FILIP1L: variants seen among roughly 807,000 people sequenced by gnomAD.
FILIP1L encodes filamin A interacting protein 1 like, also known as filamin A-interacting protein 1-like.
A neutral mutation model predicts 96.6 loss-of-function variants in FILIP1L; 55 were observed. The observed-to-expected ratio is 0.57, with a 90% CI of 0.46 to 0.71. The LOEUF (loss-of-function observed/expected upper bound fraction) is 0.71, where lower values mean the gene tolerates loss of function less well. Among genes scored for constraint, FILIP1L ranks in the 30% least tolerant of loss-of-function variants. FILIP1L has a pLI of 0.00. For missense variants in FILIP1L, 1,304 were observed against 1,321.2 expected (o/e 0.99, Z 0.20); for synonymous variants, 467 against 473.9 (o/e 0.99, Z 0.19).
chr3:99,957,693 C>CTTTTTTTTTTTTTTTTTTTT (rs779350496), intron 1 of FILIP1L, among the ~76,000 whole-genome samples: 348 of 19,886 alleles, frequency 0.017, 85 homozygotes, highest in Middle Eastern at 0.12. Flanking sequence ...TTCTTTCTTT[C>CTTTTTTTTTTTTTTTTTTTT]TTTTTTTTTT....
At chr3:99,941,204 C>T (rs1290232899) in intron 1 of FILIP1L, among the ~76,000 whole-genome samples, 4 of 151,684 alleles carry the variant, frequency 2.6e-5, no homozygotes, top group Non-Finnish European at 5.9e-5. Context: ...TTTTTTTAGA[C>T]ACACGGAGTT....
At chr3:99,933,724 C>T (rs1012942680) in intron 1 of FILIP1L, among the ~76,000 whole-genome samples, 1 of 152,006 alleles carries the variant, frequency 6.6e-6, no homozygotes, top group African/African-American at 2.4e-5. Flanking sequence ...ATTATAGGGC[C>T]ATCTATGTCC....
chr3:100,112,202 C>CT (rs1368008363), intron 1 of FILIP1L, among the ~76,000 whole-genome samples: 9 of 152,232 alleles, frequency 5.9e-5, no homozygotes, highest in Admixed American at 1.3e-4. Flanking sequence ...AGCACTTTTT[C>CT]TTTAAATGTT....
chr3:99,910,625 G>A lies in FILIP1L; in HGVS notation c.605+13605C>T, dbSNP rs532909683. 5.1e-5 allele frequency among the ~76,000 whole-genome samples: 7 copies of A among 136,484 alleles called. 1 individual carries two copies. In the South Asian group the frequency reaches 1.5e-3, roughly 29 times the overall value. 89.5% of individuals were successfully genotyped at this position (136,484 alleles called of 152,430 possible). On this transcript the variant is annotated intron_variant, in intron 4 of 5. Coordinates refer to ENST00000477258, the MANE Select transcript of FILIP1L (RefSeq NM_001387850.1). The stretch of plus-strand genomic sequence containing the variant: ...GTTTTAGCCCTTAGGCTGAAAAAAA[G>A]TAATACGCTATAATTCTAACTATTA...
At chr3:99,851,919 G>T (rs1408950232) in intron 4 of FILIP1L, among the ~76,000 whole-genome samples, 1 of 152,194 alleles carries the variant, frequency 6.6e-6, no homozygotes, top group Non-Finnish European at 1.5e-5. Flanking sequence ...TAACATTTGA[G>T]AAGAGCATGC....
intron 4 of FILIP1L, among the ~76,000 whole-genome samples, chr3:99,889,784 C>T (rs1342615792): frequency 1.3e-5 from 2 of 151,986 alleles, no homozygotes; most frequent in African/African-American, 4.8e-5. Context: ...TCTAAAGCTA[C>T]TCAGTATATT....
chr3:100,015,487 A>G (rs1395945868), intron 1 of FILIP1L, among the ~76,000 whole-genome samples: 1 of 152,204 alleles, frequency 6.6e-6, no homozygotes, highest in Non-Finnish European at 1.5e-5. Context: ...TGGAAATTTT[A>G]ACAGTATTCA....
intron 4 of FILIP1L, among the ~76,000 whole-genome samples, chr3:99,921,606 A>G (rs1212385997): frequency 1.3e-5 from 2 of 152,192 alleles, no homozygotes; most frequent in African/African-American, 2.4e-5. Flanking sequence ...GAATATTCTC[A>G]TATCTTCTGG....
intron 1 of FILIP1L, among the ~76,000 whole-genome samples, chr3:99,998,545 G>A (rs1709748006): frequency 1.3e-5 from 2 of 152,190 alleles, no homozygotes; most frequent in South Asian, 4.1e-4. Flanking sequence ...GGAGAAAAAT[G>A]CAGGTATTTT....
intron 4 of FILIP1L, among the ~76,000 whole-genome samples, chr3:99,915,691 C>A (rs537243920): frequency 6.6e-6 from 1 of 151,498 alleles, no homozygotes; most frequent in African/African-American, 2.4e-5. Flanking sequence ...AGTGTTAGAT[C>A]ATTAGGACAT....
chr3:100,034,659 T>G (rs2065077424), intron 1 of FILIP1L, among the ~76,000 whole-genome samples: 2 of 152,214 alleles, frequency 1.3e-5, no homozygotes, highest in Admixed American at 1.3e-4. Flanking sequence ...AGTATTTAGG[T>G]AAGACAGTGA....
intron 4 of FILIP1L, among the ~76,000 whole-genome samples, chr3:99,861,674 T>C (rs1448585624): frequency 6.6e-6 from 1 of 152,164 alleles, no homozygotes; most frequent in African/African-American, 2.4e-5. Flanking sequence ...CAGCAAGAGA[T>C]TGCAGTAAAC....
chr3:99,929,411 C>G (rs925306799), intron 3 of FILIP1L, among the ~76,000 whole-genome samples: 2 of 152,122 alleles, frequency 1.3e-5, no homozygotes, highest in African/African-American at 2.4e-5. Flanking sequence ...CATTCATGTT[C>G]AAAATTTCTA....
At chr3:99,926,438 G>T (rs1707295832) in intron 3 of FILIP1L, among the ~76,000 whole-genome samples, 1 of 152,200 alleles carries the variant, frequency 6.6e-6, no homozygotes, top group African/African-American at 2.4e-5. Context: ...AACCACTGCA[G>T]CCCTCTGAAA....
intron 1 of FILIP1L, among the ~76,000 whole-genome samples, chr3:100,062,518 G>A (rs765166236): frequency 1.6e-4 from 24 of 152,014 alleles, no homozygotes; most frequent in Admixed American, 2.0e-4. Context: ...TCCCTCATAC[G>A]GGGGTCAGTC....
At chr3:100,094,793 C>T (rs989484154) in intron 1 of FILIP1L, among the ~76,000 whole-genome samples, 1 of 149,928 alleles carries the variant, frequency 6.7e-6, no homozygotes, top group African/African-American at 2.4e-5. Context: ...ATGCCATTCT[C>T]CTGCCTCAGC....
At chr3:100,061,118 C>T (rs1028907670) in intron 1 of FILIP1L, among the ~76,000 whole-genome samples, 2 of 150,580 alleles carry the variant, frequency 1.3e-5, no homozygotes, top group Admixed American at 6.6e-5. Context: ...CTAATCAAGG[C>T]AGAAAGGCAC....
intron 1 of FILIP1L, among the ~76,000 whole-genome samples, chr3:100,112,706 C>A (rs576464048): frequency 2.0e-5 from 3 of 152,254 alleles, no homozygotes; most frequent in East Asian, 1.9e-4. Context: ...TGGGAAATTA[C>A]TGAGAAAATT....
chr3:100,100,100 G>A (rs2066278809), intron 1 of FILIP1L, among the ~76,000 whole-genome samples: 1 of 152,162 alleles, frequency 6.6e-6, no homozygotes, highest in Non-Finnish European at 1.5e-5. Context: ...GAGAGCAGAG[G>A]TATTTTGATA....
Sources: allele counts gnomAD v4.1 joint callset (sites outside exome capture counted in the v4.1 genomes callset), GRCh38; gene constraint gnomAD v4.1.1; transcripts MANE v1.5; gene names NCBI Gene and HGNC (gene_info 2026-07-23, HGNC 2026-07-21).